Variants in RGS6 observed in about 807,000 individuals in gnomAD.
RGS6 encodes regulator of G protein signaling 6.
In RGS6, 30 loss-of-function variants were observed where a neutral mutation model predicts 78.5. That is an observed-to-expected ratio of 0.38 (90% CI 0.29 to 0.52). The LOEUF (loss-of-function observed/expected upper bound fraction) is 0.52. RGS6 is among the 20% of genes least tolerant of loss of function. RGS6 has a pLI of 0.85. For synonymous variants in RGS6, 206 were observed against 206.0 expected (o/e 1.00, Z 0.00); for missense variants, 495 against 609.7 (o/e 0.81, Z 1.98).
chr14:72,135,272 G>C (rs1034278132), intron 2 of RGS6, among the ~76,000 whole-genome samples: 1 of 152,148 alleles, frequency 6.6e-6, no homozygotes, highest in African/African-American at 2.4e-5. Context: ...TAATGATAAA[G>C]TTCAAGGTAC....
chr14:72,296,996 G>C (rs531409967), intron 2 of RGS6, among the ~76,000 whole-genome samples: 33 of 152,136 alleles, frequency 2.2e-4, no homozygotes, highest in Non-Finnish European at 3.8e-4. Context: ...TTTCCACATG[G>C]CTATCTAGTC....
At chr14:72,200,490 T>C (rs1460990591) in intron 2 of RGS6, among the ~76,000 whole-genome samples, 1 of 152,212 alleles carries the variant, frequency 6.6e-6, no homozygotes, top group Non-Finnish European at 1.5e-5. Flanking sequence ...CTTGAAGCTT[T>C]TTGTCCCCAC....
chr14:72,309,197 G>T (rs2067970164), intron 2 of RGS6, among the ~76,000 whole-genome samples: 1 of 152,204 alleles, frequency 6.6e-6, no homozygotes, highest in African/African-American at 2.4e-5. Flanking sequence ...GCTGCCCTTT[G>T]CTCTGCACCT....
At chr14:72,295,838 A>G (rs1215156702) in intron 2 of RGS6, among the ~76,000 whole-genome samples, 2 of 152,260 alleles carry the variant, frequency 1.3e-5, no homozygotes, top group Admixed American at 1.3e-4. Context: ...TGTGCATTTA[A>G]AGATCTGGAT....
chr14:72,364,596 T>C (rs755234060), intron 3 of RGS6, among the ~76,000 whole-genome samples: 3 of 152,240 alleles, frequency 2.0e-5, no homozygotes, highest in Non-Finnish European at 2.9e-5. Context: ...CTCTTCTCTA[T>C]TGGGACCCCA....
intron 2 of RGS6, among the ~76,000 whole-genome samples, chr14:72,254,116 A>T (rs1414828380): frequency 6.6e-6 from 1 of 152,274 alleles, no homozygotes; most frequent in Non-Finnish European, 1.5e-5. Context: ...CCAATAGATC[A>T]GTGAAATTCA....
At chr14:72,360,164 G>C (rs1420055274) in intron 3 of RGS6, among the ~76,000 whole-genome samples, 1 of 152,096 alleles carries the variant, frequency 6.6e-6, no homozygotes, top group Non-Finnish European at 1.5e-5. Flanking sequence ...AGAGAGGATT[G>C]AATTTAACAT....
At chr14:72,316,626 C>T (rs2152490300) in intron 2 of RGS6, among the ~76,000 whole-genome samples, 1 of 152,248 alleles carries the variant, frequency 6.6e-6, no homozygotes, top group East Asian at 1.9e-4. Flanking sequence ...TTTCTTAATC[C>T]AGTCTATCAT....
intron 3 of RGS6, among the ~76,000 whole-genome samples, chr14:72,412,457 T>C (rs1198155594): frequency 6.6e-6 from 1 of 152,178 alleles, no homozygotes; most frequent in African/African-American, 2.4e-5. Flanking sequence ...TCTTCTCTCT[T>C]TTCTTCTTTA....
At chr14:72,037,816 A>G (rs1251118038) in intron 2 of RGS6, among the ~76,000 whole-genome samples, 1 of 148,770 alleles carries the variant, frequency 6.7e-6, no homozygotes. Context: ...ATCAATTTAC[A>G]CACTTTAAGT....
At chr14:72,616,849 C>T in the RGS6 span, among the ~76,000 whole-genome samples, 4 of 152,206 alleles carry the variant, frequency 2.6e-5, no homozygotes, top group African/African-American at 4.8e-5. Context: ...AATGTGACCA[C>T]GGAGACTTTT....
chr14:72,052,973 C>CTTTA (rs2093362293), intron 2 of RGS6, among the ~76,000 whole-genome samples: 1 of 46,462 alleles, frequency 2.2e-5, no homozygotes, highest in Non-Finnish European at 3.5e-5. Flanking sequence ...TTCTTTCTTT[C>CTTTA]TTTCTTTCTT....
chr14:72,412,074 G>GGCCTCAT (rs893112098), intron 3 of RGS6, among the ~76,000 whole-genome samples: 5 of 152,136 alleles, frequency 3.3e-5, no homozygotes, highest in Admixed American at 3.3e-4. Context: ...GGATGACGCT[G>GGCCTCAT]GCCTCATAAA....
chr14:71,961,183 G>A (rs1020911163), intron 1 of RGS6, among the ~76,000 whole-genome samples: 4 of 152,190 alleles, frequency 2.6e-5, no homozygotes, highest in African/African-American at 9.6e-5. Context: ...GAGACATTGA[G>A]TGCTGTCATG....
At chr14:71,941,975 G>A (rs7148606) in intron 1 of RGS6, among the ~76,000 whole-genome samples, 84,413 of 151,864 alleles carry the variant, frequency 0.56, 24,024 homozygotes, top group African/African-American at 0.6. Flanking sequence ...TTTCTTTGCA[G>A]CCATCCATCC....
chr14:72,229,170 C>CT (rs2048897264), intron 2 of RGS6, among the ~76,000 whole-genome samples: 1 of 152,218 alleles, frequency 6.6e-6, no homozygotes, highest in African/African-American at 2.4e-5. Flanking sequence ...ATAAACCCTT[C>CT]TAAAAATTGT....
At chr14:72,264,219 C>T (rs1467990483) in intron 2 of RGS6, among the ~76,000 whole-genome samples, 3 of 152,206 alleles carry the variant, frequency 2.0e-5, no homozygotes, top group African/African-American at 4.8e-5. Flanking sequence ...TTCTTGTATG[C>T]ATTAAGTGCT....
intron 2 of RGS6, among the ~76,000 whole-genome samples, chr14:72,314,107 C>A (rs2069386040): frequency 6.6e-6 from 1 of 152,148 alleles, no homozygotes; most frequent in South Asian, 2.1e-4. Flanking sequence ...GATAGAGTAA[C>A]CGTCCATAGT....
chr14:72,355,031 C>G (rs2079955494), intron 3 of RGS6, among the ~76,000 whole-genome samples: 1 of 151,852 alleles, frequency 6.6e-6, no homozygotes, highest in South Asian at 2.1e-4. Context: ...TTTTTCTTAC[C>G]ATTGTTGCTG....
Sources: allele counts gnomAD v4.1 joint callset (sites outside exome capture counted in the v4.1 genomes callset), GRCh38; gene constraint gnomAD v4.1.1; transcripts MANE v1.5; gene names NCBI Gene and HGNC (gene_info 2026-07-23, HGNC 2026-07-21).